Variants in LCOR observed in about 807,000 individuals in gnomAD.
LCOR encodes the protein ligand-dependent corepressor.
LCOR carries 14 observed loss-of-function variants against 64.4 expected under a neutral mutation model. That is an observed-to-expected ratio of 0.22 (90% CI 0.14 to 0.34). The LOEUF (loss-of-function observed/expected upper bound fraction) is 0.34, where lower values mean the gene tolerates loss of function less well. Among genes scored for constraint, LCOR ranks in the 10% least tolerant of loss-of-function variants. LCOR has a pLI of 1.00. For synonymous variants in LCOR, 643 were observed against 642.5 expected, an observed-to-expected ratio of 1.00 and a Z score of -0.01; for missense variants, 1,686 against 1,765.3, an observed-to-expected ratio of 0.96 and a Z score of 0.80.
intron 7 of LCOR, chr10:96,958,742 C>A: frequency 3.6e-6 from 1 of 280,628 alleles, no homozygotes; most frequent in Non-Finnish European, 6.7e-6. Flanking sequence ...CTCCAAAGGT[C>A]TCTCTCTTTC....
chr10:96,975,179 A>G (rs1337963828), intron 7 of LCOR, among the ~76,000 whole-genome samples: 2 of 152,354 alleles, frequency 1.3e-5, no homozygotes, highest in South Asian at 2.1e-4. Flanking sequence ...TCAAAATAAA[A>G]TAATAAAATA....
chr10:96,922,323 GT>G (rs1005561705), intron 4 of LCOR, among the ~76,000 whole-genome samples: 5 of 152,070 alleles, frequency 3.3e-5, no homozygotes, highest in African/African-American at 1.2e-4. Flanking sequence ...AAAGAAAGAA[GT>G]TTTGGCCACA....
intron 2 of LCOR, among the ~76,000 whole-genome samples, chr10:96,904,070 T>C (rs1022411431): frequency 6.6e-6 from 1 of 152,122 alleles, no homozygotes; most frequent in African/African-American, 2.4e-5. Flanking sequence ...GCAACAGTCT[T>C]GAGAATTCTG....
chr10:96,883,131 G>T (rs1468173621), intron 2 of LCOR, among the ~76,000 whole-genome samples: 1 of 152,098 alleles, frequency 6.6e-6, no homozygotes, highest in East Asian at 1.9e-4. Context: ...TCACCTCCTG[G>T]GTTCAAGCAA....
chr10:96,842,945 A>G (rs939038981), intron 2 of LCOR, among the ~76,000 whole-genome samples: 3 of 152,100 alleles, frequency 2.0e-5, no homozygotes, highest in Non-Finnish European at 2.9e-5. Flanking sequence ...GTTTATACAA[A>G]TTTTTGAAAT....
chr10:96,846,450 C>G (rs1484396040), intron 2 of LCOR, among the ~76,000 whole-genome samples: 1 of 151,862 alleles, frequency 6.6e-6, no homozygotes, highest in Non-Finnish European at 1.5e-5. Context: ...TGGGGTGTCC[C>G]TATGTTGCCC....
intron 4 of LCOR, among the ~76,000 whole-genome samples, chr10:96,922,684 C>CT (rs1464973019): frequency 6.6e-6 from 1 of 151,992 alleles, no homozygotes; most frequent in Admixed American, 6.6e-5. Context: ...GGGTGGTTTG[C>CT]TTTTTTCGTT....
chr10:96,976,483 A>G (rs1359365710), intron 7 of LCOR, among the ~76,000 whole-genome samples: 2 of 152,130 alleles, frequency 1.3e-5, no homozygotes, highest in Non-Finnish European at 2.9e-5. Context: ...ATACATTCCT[A>G]CCTACCTGTG....
intron 4 of LCOR, among the ~76,000 whole-genome samples, chr10:96,927,676 A>G (rs1847192363): frequency 6.6e-6 from 1 of 152,156 alleles, no homozygotes; most frequent in Non-Finnish European, 1.5e-5. Context: ...ATATTCCAAA[A>G]GAAAATCCAT....
chr10:96,991,588 T>C lies in LCOR; in HGVS notation c.*6454T>C, dbSNP rs754363656. ...TCTTTTGTATCATATACTTGAAGGT[T>C]TCTCACTCTTCAAGCTCTGGTCGTG... On this transcript the variant is annotated 3_prime_UTR_variant, in exon 8 of 8. Coordinates refer to ENST00000421806, the MANE Select transcript of LCOR (RefSeq NM_001346516.2). The C allele has an allele frequency of 2.0e-5, 3 of 152,208 alleles. No homozygotes were observed. Among genetic ancestry groups the C allele is most frequent in the Non-Finnish European group, 4.4e-5 (3 of 68,034 alleles). 9.4% of individuals were successfully genotyped at this position (152,208 alleles called of 1,614,324 possible). A position where few individuals can be genotyped will look rare whatever the true frequency, so the allele number is the denominator to read the frequency against.
At chr10:96,950,599 G>A in intron 6 of LCOR, among the ~76,000 whole-genome samples, 1 of 152,028 alleles carries the variant, frequency 6.6e-6, no homozygotes, top group Non-Finnish European at 1.5e-5. Context: ...TATAACTAAT[G>A]TTACACTTAA....
At chr10:96,888,391 A>AAAAAAAG (rs1846383029) in intron 2 of LCOR, among the ~76,000 whole-genome samples, 1 of 144,848 alleles carries the variant, frequency 6.9e-6, no homozygotes, top group Non-Finnish European at 1.5e-5. Flanking sequence ...AAAAAAAAAA[A>AAAAAAAG]GAACAGTATA....
chr10:96,909,285 A>G (rs1433229108), intron 4 of LCOR, among the ~76,000 whole-genome samples: 1 of 152,104 alleles, frequency 6.6e-6, no homozygotes, highest in Non-Finnish European at 1.5e-5. Context: ...TACCCTCCAC[A>G]TTTTAACCAC....
intron 7 of LCOR, among the ~76,000 whole-genome samples, chr10:96,971,137 C>G (rs1006334805): frequency 6.6e-6 from 1 of 152,158 alleles, no homozygotes; most frequent in Non-Finnish European, 1.5e-5. Context: ...CCCAGTTTTC[C>G]TGGTACCTTA....
intron 2 of LCOR, among the ~76,000 whole-genome samples, chr10:96,879,678 G>A (rs552436584): frequency 2.6e-5 from 4 of 151,728 alleles, no homozygotes; most frequent in South Asian, 2.1e-4. Context: ...TTTTTTTTGC[G>A]ACAGACTCTC....
intron 2 of LCOR, among the ~76,000 whole-genome samples, chr10:96,887,491 A>T (rs1846363616): frequency 6.6e-6 from 1 of 151,548 alleles, no homozygotes; most frequent in South Asian, 2.1e-4. Context: ...TGAACCTGGG[A>T]GGCAGAGCCT....
At chr10:96,936,274 A>G (rs1399860991) in intron 4 of LCOR, among the ~76,000 whole-genome samples, 1 of 152,248 alleles carries the variant, frequency 6.6e-6, no homozygotes, top group African/African-American at 2.4e-5. Flanking sequence ...TACTTAGAGG[A>G]TGTGTGTTTA....
chr10:96,840,412 T>C (rs1187501034), intron 2 of LCOR, among the ~76,000 whole-genome samples: 1 of 152,168 alleles, frequency 6.6e-6, no homozygotes, highest in Non-Finnish European at 1.5e-5. Flanking sequence ...ATGAAGTTCT[T>C]ATAATTGAGG....
chr10:96,904,557 C>T (rs772444859), intron 2 of LCOR, among the ~76,000 whole-genome samples: 6 of 152,106 alleles, frequency 3.9e-5, no homozygotes, highest in Non-Finnish European at 8.8e-5. Context: ...AGAGCTCAAC[C>T]TTGAGACTAG....
Sources: gnomAD v4.1 joint callset for allele counts (sites outside exome capture counted in the v4.1 genomes callset) on GRCh38, gnomAD v4.1.1 for gene constraint, MANE v1.5 for transcripts, NCBI Gene and HGNC (gene_info 2026-07-23, HGNC 2026-07-21) for gene names.